The following HTR1E variants were observed in gnomAD, a reference collection of about 807,000 sequenced individuals.
The protein encoded by HTR1E is 5-hydroxytryptamine receptor 1E.
A neutral mutation model predicts 3.4 loss-of-function variants in HTR1E; 3 were observed. The observed-to-expected ratio is 0.89, with a 90% CI of 0.41 to 2.31. The LOEUF is 2.31. Among genes scored for constraint, HTR1E ranks in the 30% most tolerant of loss-of-function variants. The pLI, the probability that HTR1E is intolerant of heterozygous loss-of-function variation, is 0.05. For missense variants in HTR1E, 392 were observed against 467.0 expected (o/e 0.84, Z 1.48); for synonymous variants, 170 against 182.8 (o/e 0.93, Z 0.56).
chr6:86,950,041 C>A (rs992422591), intron 1 of HTR1E, among the ~76,000 whole-genome samples: 1 of 152,140 alleles, frequency 6.6e-6, no homozygotes, highest in African/African-American at 2.4e-5. Flanking sequence ...GAAGACACAG[C>A]TGCATAGTGA....
intron 1 of HTR1E, among the ~76,000 whole-genome samples, chr6:87,010,324 C>T (rs1289423029): frequency 5.5e-5 from 6 of 109,290 alleles, no homozygotes; most frequent in African/African-American, 1.7e-4. Context: ...GCTGACCCCC[C>T]CCACCTCCCT....
chr6:86,952,943 T>C (rs777562394), intron 1 of HTR1E, among the ~76,000 whole-genome samples: 4 of 151,938 alleles, frequency 2.6e-5, no homozygotes, highest in Non-Finnish European at 5.9e-5. Context: ...AGGTGAAGAG[T>C]AGGATAAATA....
At chr6:86,992,573 G>T (rs566883801) in intron 1 of HTR1E, among the ~76,000 whole-genome samples, 14 of 152,220 alleles carry the variant, frequency 9.2e-5, no homozygotes, top group African/African-American at 3.4e-4. Context: ...ATTCAAAGAC[G>T]CAAACACGAG....
intron 1 of HTR1E, among the ~76,000 whole-genome samples, chr6:86,995,292 T>TAAATA (rs1767919875): frequency 1.4e-5 from 2 of 144,134 alleles, no homozygotes; most frequent in African/African-American, 2.6e-5. Context: ...CTCTATAATA[T>TAAATA]AATAAATAAA....
intron 1 of HTR1E, among the ~76,000 whole-genome samples, chr6:87,003,635 GT>G (rs1768057196): frequency 6.6e-6 from 1 of 151,590 alleles, no homozygotes. Flanking sequence ...ACAGCAAAAG[GT>G]TACAGGAATA....
At chr6:87,012,118 A>C (rs1423431884) in intron 1 of HTR1E, among the ~76,000 whole-genome samples, 1 of 152,132 alleles carries the variant, frequency 6.6e-6, no homozygotes, top group Non-Finnish European at 1.5e-5. Context: ...ATCTGAAAGA[A>C]CTGTAGGAGT....
rs143482504 is a variant in HTR1E at position 86,958,240 on chromosome 6, A to C, written c.-186+20417A>C. Among the ~76,000 whole-genome samples the C allele has an allele frequency of 5.1e-3, 781 of 152,056 alleles. 7 individuals are homozygous for C. Among genetic ancestry groups the C allele is most frequent in the African/African-American group, 0.018 (738 of 41,504 alleles). ...TGCCCAGCTAATTTTTTGTATTTTT[A>C]GTAGAGACGAGGTTTCACTGTGTTA... On this transcript the variant is annotated intron_variant, in intron 1 of 1. Transcript: ENST00000305344.
intron 1 of HTR1E, among the ~76,000 whole-genome samples, chr6:86,974,474 A>G (rs746978502): frequency 3.3e-5 from 5 of 152,214 alleles, no homozygotes; most frequent in Non-Finnish European, 7.3e-5. Flanking sequence ...TAGAAAATAC[A>G]GACTAACAGA....
chr6:86,994,571 G>T (rs1029268194), intron 1 of HTR1E, among the ~76,000 whole-genome samples: 24 of 151,314 alleles, frequency 1.6e-4, no homozygotes, highest in Non-Finnish European at 3.2e-4. Flanking sequence ...AGTCTTAGGT[G>T]AAGGGAAACT....
chr6:87,009,334 C>T (rs1345145600), intron 1 of HTR1E, among the ~76,000 whole-genome samples: 12 of 151,200 alleles, frequency 7.9e-5, no homozygotes, highest in Non-Finnish European at 1.2e-4. Flanking sequence ...TCCGTTTAAC[C>T]CTGAGTGGAC....
At chr6:86,948,746 T>C (rs1477281755) in intron 1 of HTR1E, among the ~76,000 whole-genome samples, 2 of 152,116 alleles carry the variant, frequency 1.3e-5, no homozygotes, top group African/African-American at 2.4e-5. Flanking sequence ...GGCACTGTGA[T>C]TGGTTCAGGG....
intron 1 of HTR1E, among the ~76,000 whole-genome samples, chr6:87,004,478 G>A (rs1479101002): frequency 6.6e-6 from 1 of 152,066 alleles, no homozygotes; most frequent in African/African-American, 2.4e-5. Context: ...TATGTCAACA[G>A]AATAAAGGAC....
Position 87,015,530 on chromosome 6 carries a change from G to A in HTR1E, c.196G>A (p.Val66Met), listed in dbSNP as rs201640439. Reference protein sequence around the residue: ...PANYLICSLAVTDLLVAVLVM... With the variant: ...PANYLICSLAMTDLLVAVLVM... Reference sequence around the variant, plus strand: ...CAACTACCTAATCTGTTCTCTGGCCGTGACGGACCTCCTGGTGGCAGTGCT... The same window carrying A: ...CAACTACCTAATCTGTTCTCTGGCCATGACGGACCTCCTGGTGGCAGTGCT... The change falls in exon 2 of 2, where the codon GTG becomes ATG. Residue 66 changes from valine to methionine, a missense_variant. This residue lies in a region of HTR1E where 189 missense variants were observed against 258.0 expected (regional missense o/e 0.73). Coordinates refer to ENST00000305344, the MANE Select transcript of HTR1E (RefSeq NM_000865.3). 8.2e-5 allele frequency: 133 copies of A among 1,612,472 alleles called. No homozygotes were observed. Among genetic ancestry groups the A allele is most frequent in the Non-Finnish European group, 9.4e-5 (111 of 1,179,026 alleles).
chr6:87,008,824 C>T (rs193115803), intron 1 of HTR1E, among the ~76,000 whole-genome samples: 5 of 152,154 alleles, frequency 3.3e-5, no homozygotes, highest in Admixed American at 6.5e-5. Flanking sequence ...GATGATCACC[C>T]CTGCAAACCA....
intron 1 of HTR1E, among the ~76,000 whole-genome samples, chr6:86,974,397 A>G (rs748768303): frequency 2.6e-5 from 4 of 152,218 alleles, no homozygotes; most frequent in Non-Finnish European, 4.4e-5. Context: ...GCATTTAATT[A>G]TCATCTCTTT....
chr6:86,989,614 C>A (rs1767844938), intron 1 of HTR1E, among the ~76,000 whole-genome samples: 1 of 152,112 alleles, frequency 6.6e-6, no homozygotes, highest in Non-Finnish European at 1.5e-5. Context: ...TCCTTCCTAA[C>A]CTATTTGCCA....
intron 1 of HTR1E, among the ~76,000 whole-genome samples, chr6:87,010,457 C>G (rs1367363705): frequency 1.3e-5 from 2 of 151,322 alleles, no homozygotes; most frequent in East Asian, 2.0e-4. Flanking sequence ...AGACGCTCCT[C>G]ACCTCCCAGA....
chr6:87,008,940 CT>C (rs1182022450), intron 1 of HTR1E, among the ~76,000 whole-genome samples: 6 of 152,142 alleles, frequency 3.9e-5, no homozygotes, highest in Non-Finnish European at 5.9e-5. Context: ...TTTAAGCTTC[CT>C]TGAAAGTTAC....
chr6:86,983,199 A>G (rs927291584), intron 1 of HTR1E, among the ~76,000 whole-genome samples: 75 of 152,302 alleles, frequency 4.9e-4, no homozygotes, highest in African/African-American at 1.7e-3. Context: ...TTAACATGTA[A>G]CTCTTCATTG....
Sources: allele counts gnomAD v4.1 joint callset (sites outside exome capture counted in the v4.1 genomes callset), GRCh38; gene constraint gnomAD v4.1.1; regional missense constraint gnomAD v4.1.1; transcripts MANE v1.5; gene names NCBI Gene and HGNC (gene_info 2026-07-23, HGNC 2026-07-21).